Variants in RASSF6 observed in about 807,000 individuals in gnomAD.
RASSF6 encodes the protein ras association domain-containing protein 6.
Under a neutral mutation model 44.0 loss-of-function variants are expected in RASSF6, and 52 were observed. The observed-to-expected ratio is 1.18, with a 90% CI of 0.95 to 1.49. The LOEUF (loss-of-function observed/expected upper bound fraction) is 1.49. Among genes scored for constraint, RASSF6 ranks in the 40% most tolerant of loss-of-function variants. The pLI is 0.00. For missense variants in RASSF6, 464 were observed against 393.3 expected (o/e 1.18, Z -1.52); for synonymous variants, 162 against 124.6 (o/e 1.30, Z -2.00).
Position 73,573,673 on chromosome 4 carries a change from T to C in RASSF6, c.*2562A>G, listed in dbSNP as rs1346066581. ...TGAGTCCCCATCTCATGGTGATTTA[T>C]TGAGTATTTAATGTTATCATTTCTT... On this transcript the variant is annotated 3_prime_UTR_variant, in exon 11 of 11. Transcript: ENST00000307439. 2.0e-5 allele frequency: 3 copies of C among 152,224 alleles called. No individual in the cohort carries two copies. Among genetic ancestry groups the C allele is most frequent in the Admixed American group, 6.5e-5 (1 of 15,290 alleles). 9.4% of individuals were successfully genotyped at this position (152,224 alleles called of 1,614,324 possible). A position where few individuals can be genotyped will look rare whatever the true frequency, so the allele number is the denominator to read the frequency against.
intron 2 of RASSF6, among the ~76,000 whole-genome samples, chr4:73,601,536 G>A (rs1725276823): frequency 6.6e-6 from 1 of 152,226 alleles, no homozygotes; most frequent in African/African-American, 2.4e-5. Context: ...GGATTTTGGA[G>A]TGTTGAAGAT....
intron 2 of RASSF6, among the ~76,000 whole-genome samples, chr4:73,600,769 C>T (rs1006125616): frequency 6.6e-6 from 1 of 152,132 alleles, no homozygotes; most frequent in Non-Finnish European, 1.5e-5. Context: ...TGGTTCATTT[C>T]CCAAATGGAT....
chr4:73,608,836 T>A (rs72863086), intron 2 of RASSF6, among the ~76,000 whole-genome samples: 3 of 152,188 alleles, frequency 2.0e-5, no homozygotes, highest in African/African-American at 7.2e-5. Flanking sequence ...ATATGAAACC[T>A]GGGCAAACAT....
rs574812402 is a variant in RASSF6 at position 73,613,035 on chromosome 4, C to G, written c.-34-1206G>C. On this transcript the variant is annotated intron_variant, in intron 1 of 10. Transcript: ENST00000307439. ...CCAGATATCTGGTCCCTTTTAGTCC[C>G]CAGTGGGAAATCTTAAAGTCTCCCC... is the stretch of plus-strand genomic sequence containing the variant. 3.3e-5 allele frequency among the ~76,000 whole-genome samples: 5 copies of G among 152,300 alleles called. No homozygotes were observed. In the South Asian group the frequency reaches 1.0e-3, roughly 32 times the overall value.
chr4:73,576,062 A>G lies in RASSF6; in HGVS notation c.*173T>C. 1 of 480,586 alleles carries G rather than the reference A, an allele frequency of 2.1e-6. No individual in the cohort carries two copies. Among genetic ancestry groups the G allele is most frequent in the South Asian group, 4.0e-5 (1 of 25,038 alleles). 29.8% of individuals were successfully genotyped at this position (480,586 alleles called of 1,614,324 possible). A position where few individuals can be genotyped will look rare whatever the true frequency, so the allele number is the denominator to read the frequency against. On this transcript the variant is annotated 3_prime_UTR_variant, in exon 11 of 11. Coordinates refer to ENST00000307439, the MANE Select transcript of RASSF6 (RefSeq NM_177532.5). Reference sequence around the variant, plus strand: ...CTCAAACTCATTTTGTCCAACTGTGAACCCTAATTAACCTCATCACTTCAA... The same window carrying G: ...CTCAAACTCATTTTGTCCAACTGTGGACCCTAATTAACCTCATCACTTCAA...
At chr4:73,589,084 A>G (rs1724327697) in intron 4 of RASSF6, among the ~76,000 whole-genome samples, 1 of 152,122 alleles carries the variant, frequency 6.6e-6, no homozygotes, top group Non-Finnish European at 1.5e-5. Context: ...TTACTTTTGA[A>G]TTCTTTTGAA....
Position 73,576,283 on chromosome 4 carries a change from C to A in RASSF6, c.966G>T (p.Leu322=). 2 of 1,563,776 alleles carry A rather than the reference C, an allele frequency of 1.3e-6. No individual in the cohort carries two copies. The highest frequency in any genetic ancestry group is 3.4e-5 in the Admixed American group (2 of 58,680). Residue 322 remains leucine, a synonymous_variant, in exon 11 of 11, where the codon CTG becomes CTT. Coordinates refer to ENST00000307439, the MANE Select transcript of RASSF6 (RefSeq NM_177532.5). ...TKFNKEKAII[L]KCLQNKLVIK... is the part of the protein sequence containing the mutation. ...TTACTAGTTTATTTTGAAGACATTT[C>A]AGTATAATCGCCTTTTCTTTATTGA...
chr4:73,590,413 G>A (rs1724453511), intron 4 of RASSF6, among the ~76,000 whole-genome samples: 2 of 152,306 alleles, frequency 1.3e-5, no homozygotes, highest in Middle Eastern at 3.4e-3. Context: ...AAGAGCAGAG[G>A]TGTAAGTTTT....
chr4:73,591,337 G>A (rs776081470), intron 4 of RASSF6, among the ~76,000 whole-genome samples: 1 of 152,046 alleles, frequency 6.6e-6, no homozygotes, highest in Non-Finnish European at 1.5e-5. Flanking sequence ...GATGGTTTAA[G>A]GTGATACTAA....
In RASSF6 at chr4:73,572,614, A is replaced by G. The variant is rs1399236596; in HGVS notation, c.*3621T>C. ...AGGAAGATTAAGCTTCATCTCTTCA[A>G]AGGAGAAGAATCAGACTTTATGGAT... On this transcript the variant is annotated 3_prime_UTR_variant, in exon 11 of 11. Transcript: ENST00000307439. 1 of 152,190 alleles carries G rather than the reference A, an allele frequency of 6.6e-6. No individual in the cohort carries two copies. Among genetic ancestry groups the G allele is most frequent in the Non-Finnish European group, 1.5e-5 (1 of 68,018 alleles). 9.4% of individuals were successfully genotyped at this position (152,190 alleles called of 1,614,324 possible).
At position 73,572,822 on chromosome 4, in the gene RASSF6, A is replaced by G. The variant is rs1221757989; in HGVS notation, c.*3413T>C. The G allele has an allele frequency of 6.6e-6, 1 of 152,174 alleles. No individual in the cohort carries two copies. The highest frequency in any genetic ancestry group is 2.4e-5 in the African/African-American group (1 of 41,456). The allele number at this position is 152,174 out of a possible 1,614,324, so 9.4% of individuals were successfully genotyped here. A position where few individuals can be genotyped will look rare whatever the true frequency, so the allele number is the denominator to read the frequency against. ...ATATAAACTATAGAACACTTAATAC[A>G]GATAGGGAAGTTAGAAAAACATGAA... On this transcript the variant is annotated 3_prime_UTR_variant, in exon 11 of 11. Coordinates refer to ENST00000307439, the MANE Select transcript of RASSF6 (RefSeq NM_177532.5).
At chr4:73,611,105 C>A (rs572906459) in intron 2 of RASSF6, among the ~76,000 whole-genome samples, 1 of 152,214 alleles carries the variant, frequency 6.6e-6, no homozygotes, top group Non-Finnish European at 1.5e-5. Flanking sequence ...TTTTTCCACC[C>A]CCCATAAGAT....
Position 73,574,675 on chromosome 4 carries a change from C to G in RASSF6, c.*1560G>C, listed in dbSNP as rs1723102197. 1.3e-5 allele frequency: 2 copies of G among 152,102 alleles called. No individual in the cohort carries two copies. Among genetic ancestry groups the G allele is most frequent in the Non-Finnish European group, 2.9e-5 (2 of 68,016 alleles). The allele number at this position is 152,102 out of a possible 1,614,324, so 9.4% of individuals were successfully genotyped here. On this transcript the variant is annotated 3_prime_UTR_variant, in exon 11 of 11. Coordinates refer to ENST00000307439, the MANE Select transcript of RASSF6 (RefSeq NM_177532.5). ...GTTTCTGTCTTCTGATTGATACAGA[C>G]TAACACAGTTGTTCACTGTTAAGAT...
intron 8 of RASSF6, among the ~76,000 whole-genome samples, chr4:73,578,763 C>T (rs1030333229): frequency 2.0e-5 from 3 of 151,970 alleles, no homozygotes; most frequent in Non-Finnish European, 2.9e-5. Context: ...TGTGCGCCAC[C>T]ACACCTGGCT....
At chr4:73,600,736 C>T (rs1267764071) in intron 2 of RASSF6, among the ~76,000 whole-genome samples, 1 of 151,872 alleles carries the variant, frequency 6.6e-6, no homozygotes, top group Non-Finnish European at 1.5e-5. Context: ...ATAAAAAGAT[C>T]CTCCTGAAGT....
chr4:73,587,703 A>T, intron 5 of RASSF6, 137 bp downstream of exon 5: 1 of 417,786 alleles, frequency 2.4e-6, no homozygotes, highest in East Asian at 3.5e-5. Flanking sequence ...TAAGATATTT[A>T]AAAATATATA....
At chr4:73,605,536 G>C (rs531206339) in intron 2 of RASSF6, among the ~76,000 whole-genome samples, 1 of 152,208 alleles carries the variant, frequency 6.6e-6, no homozygotes, top group Non-Finnish European at 1.5e-5. Flanking sequence ...GATGAAGAAA[G>C]AATGCTTTTC....
chr4:73,591,754 G>C (rs1247640), intron 4 of RASSF6, among the ~76,000 whole-genome samples: 152,217 of 152,218 alleles, frequency 1, 76,108 homozygotes, highest in Non-Finnish European at 1. Flanking sequence ...ACTAAGTAGT[G>C]ACAACAAAGC....
At chr4:73,596,102 A>G (rs564864144) in intron 3 of RASSF6, among the ~76,000 whole-genome samples, 1 of 152,354 alleles carries the variant, frequency 6.6e-6, no homozygotes, top group East Asian at 1.9e-4. Flanking sequence ...AAAAGTAAAC[A>G]TAAGGCCACT....
Sources: allele counts gnomAD v4.1 joint callset (sites outside exome capture counted in the v4.1 genomes callset), GRCh38; gene constraint gnomAD v4.1.1; transcripts MANE v1.5; gene names NCBI Gene and HGNC (gene_info 2026-07-23, HGNC 2026-07-21).